Variants in HNF4G observed in about 807,000 individuals in gnomAD.
The protein encoded by HNF4G is hepatocyte nuclear factor 4 gamma, also known as hepatocyte nuclear factor 4-gamma.
In HNF4G, 21 loss-of-function variants were observed where a neutral mutation model predicts 50.9. That is an observed-to-expected ratio of 0.41 (90% CI 0.29 to 0.59). HNF4G has a LOEUF of 0.59. HNF4G is among the 20% of genes least tolerant of loss of function. The pLI is 0.26. For synonymous variants in HNF4G, 198 were observed against 185.6 expected (o/e 1.07, Z -0.54); for missense variants, 527 against 559.4 (o/e 0.94, Z 0.58).
chr8:75,423,815 C>CTTTTTTTTTT lies in HNF4G; in HGVS notation c.-144+15671_-144+15680dup, dbSNP rs548125507. On this transcript the variant is annotated intron_variant, in intron 1 of 10. Coordinates refer to the HNF4G transcript ENST00000354370. ...TTGAAACTTTCTGCCAAGTTTCTTT[C>CTTTTTTTTTT]TTTTTTTTTTTTTTTTTTTTTTTTT... 2.4e-4 allele frequency among the ~76,000 whole-genome samples: 17 copies of CTTTTTTTTTT among 71,212 alleles called. 2 individuals are homozygous for CTTTTTTTTTT. Among genetic ancestry groups the CTTTTTTTTTT allele is most frequent in the Admixed American group, 9.3e-4 (4 of 4,302 alleles). The allele number at this position is 71,212 out of a possible 152,430, so 46.7% of individuals were successfully genotyped here. A position where few individuals can be genotyped will look rare whatever the true frequency, so the allele number is the denominator to read the frequency against.
intron 2 of HNF4G, chr8:75,490,270 T>C (rs1431273663): frequency 6.6e-6 from 1 of 152,452 alleles, no homozygotes; most frequent in Non-Finnish European, 1.5e-5. Flanking sequence ...TTGGACACCT[T>C]GTAAAGACCT....
intron 1 of HNF4G, among the ~76,000 whole-genome samples, chr8:75,426,260 G>A (rs751518504): frequency 1.5e-4 from 23 of 151,946 alleles, no homozygotes; most frequent in African/African-American, 5.3e-4. Flanking sequence ...CGTGGATTTC[G>A]CTCATGCCAT....
At position 75,558,222 on chromosome 8, in the gene HNF4G, T is replaced by C. The variant is rs1807187325; in HGVS notation, c.734-296T>C. ...GATGTCTGACACAGAGAAAAACTAATCATTATATTTAGATTTTGTCAAATA... is the reference window on the plus strand; with the variant it reads ...GATGTCTGACACAGAGAAAAACTAACCATTATATTTAGATTTTGTCAAATA... On this transcript the variant is annotated intron_variant, in intron 6 of 9. Coordinates refer to ENST00000396423, the MANE Select transcript of HNF4G (RefSeq NM_004133.5). Among the ~76,000 whole-genome samples the C allele has an allele frequency of 2.0e-5, 3 of 152,226 alleles. No individual in the cohort carries two copies. The South Asian group carries it at 6.2e-4, about 32-fold the overall frequency.
At chr8:75,554,321 T>C (rs77793524) in intron 5 of HNF4G, among the ~76,000 whole-genome samples, 2,012 of 152,298 alleles carry the variant, frequency 0.013, 30 homozygotes, top group African/African-American at 0.042. Context: ...AGTTGCTGAC[T>C]TATATATTCA....
intron 2 of HNF4G, among the ~76,000 whole-genome samples, chr8:75,515,339 T>G: frequency 6.6e-6 from 1 of 152,230 alleles, no homozygotes; most frequent in Non-Finnish European, 1.5e-5. Flanking sequence ...TTTTCTTCTT[T>G]TCTAATCTAA....
At chr8:75,424,339 G>C (rs1352357338) in intron 1 of HNF4G, among the ~76,000 whole-genome samples, 2 of 152,104 alleles carry the variant, frequency 1.3e-5, no homozygotes, top group African/African-American at 4.8e-5. Context: ...TACAGGTTGA[G>C]AGTGTTTATT....
At chr8:75,442,185 A>C (rs2130549607) in intron 1 of HNF4G, among the ~76,000 whole-genome samples, 1 of 152,294 alleles carries the variant, frequency 6.6e-6, no homozygotes, top group South Asian at 2.1e-4. Context: ...ATCACAGGAT[A>C]GAAATTACCC....
chr8:75,448,753 C>T (rs1225931757), intron 1 of HNF4G, among the ~76,000 whole-genome samples: 1 of 151,360 alleles, frequency 6.6e-6, no homozygotes, highest in African/African-American at 2.4e-5. Flanking sequence ...GAAAATTTTC[C>T]AAATATAAAA....
At chr8:75,501,208 T>G (rs994825081) in intron 2 of HNF4G, among the ~76,000 whole-genome samples, 3 of 152,016 alleles carry the variant, frequency 2.0e-5, no homozygotes, top group Non-Finnish European at 4.4e-5. Context: ...GGGAGGCCAA[T>G]GTGGGGGGAT....
At chr8:75,527,525 A>G (rs1005511666) in intron 2 of HNF4G, among the ~76,000 whole-genome samples, 1 of 152,204 alleles carries the variant, frequency 6.6e-6, no homozygotes, top group Non-Finnish European at 1.5e-5. Context: ...ATACAAACAT[A>G]TATATACACA....
intron 1 of HNF4G, among the ~76,000 whole-genome samples, chr8:75,468,502 T>C (rs1288615842): frequency 6.6e-6 from 1 of 152,140 alleles, no homozygotes; most frequent in Non-Finnish European, 1.5e-5. Flanking sequence ...GAGACCAGCC[T>C]GACCAACATG....
chr8:75,430,676 T>C (rs1378268294), intron 1 of HNF4G, among the ~76,000 whole-genome samples: 1 of 152,210 alleles, frequency 6.6e-6, no homozygotes, highest in Non-Finnish European at 1.5e-5. Context: ...AAATTTTACT[T>C]TTAAGTGACA....
intron 2 of HNF4G, among the ~76,000 whole-genome samples, chr8:75,519,839 CGTGTGTGTGT>C (rs35154891): frequency 6.7e-6 from 1 of 149,914 alleles, no homozygotes; most frequent in East Asian, 2.0e-4. Flanking sequence ...TGCATGTGAG[CGTGTGTGTGT>C]GTGTGTGTGT....
intron 3 of HNF4G, among the ~76,000 whole-genome samples, chr8:75,549,938 C>A (rs2130799022): frequency 6.6e-6 from 1 of 152,166 alleles, no homozygotes; most frequent in Admixed American, 6.6e-5. Flanking sequence ...AGGACATGAA[C>A]TCATCATTTT....
At chr8:75,421,287 G>A (rs1810769079) in intron 1 of HNF4G, among the ~76,000 whole-genome samples, 1 of 152,102 alleles carries the variant, frequency 6.6e-6, no homozygotes, top group Admixed American at 6.5e-5. Context: ...GACCACATGT[G>A]GCCAGTGGCT....
chr8:75,465,908 G>A, intron 1 of HNF4G, among the ~76,000 whole-genome samples: 1 of 152,092 alleles, frequency 6.6e-6, no homozygotes, highest in Non-Finnish European at 1.5e-5. Context: ...GAAGCAGCCT[G>A]GGATAATAGA....
At chr8:75,472,573 T>C (rs13281500) in intron 1 of HNF4G, among the ~76,000 whole-genome samples, 7,630 of 152,292 alleles carry the variant, frequency 0.05, 264 homozygotes, top group Non-Finnish European at 0.072. Flanking sequence ...TAAGTAAAGA[T>C]ACAGAGTGCA....
At chr8:75,444,065 C>T (rs1811360007) in intron 1 of HNF4G, among the ~76,000 whole-genome samples, 1 of 152,120 alleles carries the variant, frequency 6.6e-6, no homozygotes. Context: ...GCCCATCAGA[C>T]TAACAGCAGA....
At chr8:75,530,258 G>C (rs1488299574) in intron 2 of HNF4G, among the ~76,000 whole-genome samples, 1 of 152,088 alleles carries the variant, frequency 6.6e-6, no homozygotes, top group Admixed American at 6.5e-5. Flanking sequence ...GTAGTTGAAG[G>C]CATCACAAGC....
Sources: allele counts gnomAD v4.1 joint callset (sites outside exome capture counted in the v4.1 genomes callset), GRCh38; gene constraint gnomAD v4.1.1; transcripts MANE v1.5; gene names NCBI Gene and HGNC (gene_info 2026-07-23, HGNC 2026-07-21).